PRORP: variants seen among roughly 807,000 people sequenced by gnomAD.
PRORP encodes the protein mitochondrial ribonuclease P catalytic subunit.
In PRORP, 51 loss-of-function variants were observed where a neutral mutation model predicts 59.4. The ratio of observed to expected loss-of-function variants is 0.86; its 90% confidence interval spans 0.69 to 1.08. The LOEUF (loss-of-function observed/expected upper bound fraction) is 1.08. Among genes scored for constraint, PRORP ranks in the 50% least tolerant of loss-of-function variants. The pLI is 0.00. For missense variants in PRORP, 646 were observed against 690.3 expected (o/e 0.94, Z 0.72); for synonymous variants, 231 against 245.6 (o/e 0.94, Z 0.55).
chr14:35,251,539 G>A (rs142886618), intron 5 of PRORP, among the ~76,000 whole-genome samples: 1,556 of 152,108 alleles, frequency 0.01, 29 homozygotes, highest in African/African-American at 0.035. Flanking sequence ...TGTAAATAAT[G>A]TTGTTTATAT....
chr14:35,124,763 T>A (rs1373185758), intron 2 of PRORP, among the ~76,000 whole-genome samples: 2 of 149,774 alleles, frequency 1.3e-5, no homozygotes, highest in African/African-American at 2.5e-5. Flanking sequence ...AAGAAAAGAA[T>A]ATAGCATTTG....
intron 5 of PRORP, among the ~76,000 whole-genome samples, chr14:35,212,670 G>T (rs1344197490): frequency 6.6e-6 from 1 of 152,152 alleles, no homozygotes; most frequent in African/African-American, 2.4e-5. Flanking sequence ...AGGCTTTGTT[G>T]TTCCGTTGAT....
intron 4 of PRORP, among the ~76,000 whole-genome samples, chr14:35,129,270 C>T (rs2047175941): frequency 6.6e-6 from 1 of 151,902 alleles, no homozygotes; most frequent in African/African-American, 2.4e-5. Flanking sequence ...TTGATATAGG[C>T]ACTTATAGCT....
At chr14:35,190,124 C>T (rs969560023) in intron 5 of PRORP, among the ~76,000 whole-genome samples, 3 of 148,996 alleles carry the variant, frequency 2.0e-5, no homozygotes, top group African/African-American at 5.0e-5. Flanking sequence ...AAAGGCTGGG[C>T]GCAGTATCTC....
rs1244450705 is a variant in PRORP, at chr14:35,123,959, A to G, written c.714A>G (p.Lys238=). The change falls in exon 2 of 8, where the codon AAA becomes AAG. Residue 238 remains lysine (K), a synonymous_variant. Coordinates refer to ENST00000534898, the MANE Select transcript of PRORP (RefSeq NM_014672.4). The stretch of plus-strand genomic sequence containing the variant: ...TGTTGCTGTTAGAGGACATCAAAAA[A>G]GTTATAACTCCTTCAAAAAAGAACT... ...EALLLLEDIK[K]VITPSKKNYN... is the part of the protein sequence containing the mutation. 1.2e-6 allele frequency: 2 copies of G among 1,614,198 alleles called. No individual in the cohort carries two copies. The highest frequency in any genetic ancestry group is 1.7e-6 in the Non-Finnish European group (2 of 1,180,030).
chr14:35,183,381 T>A (rs1043939585), intron 5 of PRORP, among the ~76,000 whole-genome samples: 7 of 152,154 alleles, frequency 4.6e-5, no homozygotes, highest in African/African-American at 7.2e-5. Context: ...TTAAAAATTT[T>A]AAAAATATCA....
rs186809549 is a variant in PRORP, at chr14:35,203,574, T to C, written c.1275+22797T>C. Among the ~76,000 whole-genome samples the C allele has an allele frequency of 2.8e-4, 43 of 152,178 alleles. No individual in the cohort carries two copies. The East Asian group carries it at 7.9e-3, about 28-fold the overall frequency. On this transcript the variant is annotated intron_variant, in intron 5 of 7. Transcript: ENST00000534898. ...AAATCCAGATTTTAGTCTAAAGATA[T>C]TCTTTTGAGGCTGGGCGCAGTGGCT...
At chr14:35,160,358 C>G (rs998711457) in intron 4 of PRORP, among the ~76,000 whole-genome samples, 3 of 152,214 alleles carry the variant, frequency 2.0e-5, no homozygotes, top group African/African-American at 7.2e-5. Context: ...TCTGTTACTA[C>G]TGCAGTGCAC....
intron 5 of PRORP, among the ~76,000 whole-genome samples, chr14:35,195,793 C>T (rs1310232500): frequency 6.6e-6 from 1 of 151,988 alleles, no homozygotes; most frequent in Admixed American, 6.6e-5. Flanking sequence ...GAAACTGGAA[C>T]TTAGTTCTAA....
chr14:35,232,503 G>A (rs1595353992), intron 5 of PRORP, among the ~76,000 whole-genome samples: 1 of 152,258 alleles, frequency 6.6e-6, no homozygotes, highest in South Asian at 2.1e-4. Context: ...CAGCAATTAT[G>A]TAAACTTTTC....
In PRORP at chr14:35,123,768, TACG is replaced by T; in HGVS notation, c.525_527del (p.Asp176del). ...AGCCAAAAATAATGGTATTGTAAGT[TACG>T]ATTTACTGGTCAAGTATTTGTATCT... On this transcript the variant is annotated inframe_deletion, in exon 2 of 8. Coordinates refer to ENST00000534898, the MANE Select transcript of PRORP (RefSeq NM_014672.4). 1 of 1,614,224 alleles carries T rather than the reference TACG, an allele frequency of 6.2e-7. No individual in the cohort carries two copies. Among genetic ancestry groups the T allele is most frequent in the Non-Finnish European group, 8.5e-7 (1 of 1,180,040 alleles).
intron 5 of PRORP, among the ~76,000 whole-genome samples, chr14:35,238,058 T>C (rs76702422): frequency 2.2e-4 from 33 of 152,014 alleles, no homozygotes; most frequent in South Asian, 2.1e-4. Context: ...TTTTTTTTTT[T>C]CTCTGCGTTT....
intron 4 of PRORP, among the ~76,000 whole-genome samples, chr14:35,130,067 G>A (rs2047200493): frequency 7.3e-6 from 1 of 136,406 alleles, no homozygotes; most frequent in East Asian, 2.2e-4. Flanking sequence ...GTCTCGCTCT[G>A]TTGCCTAGGC....
intron 5 of PRORP, among the ~76,000 whole-genome samples, chr14:35,230,050 C>CTTTTTTT (rs35309046): frequency 1.2e-4 from 13 of 109,138 alleles, no homozygotes; most frequent in African/African-American, 4.4e-4. Flanking sequence ...ACTGTAAATT[C>CTTTTTTT]TTTTTTTTTT....
At position 35,143,203 on chromosome 14, in the gene PRORP, A is replaced by T. The variant is rs2138854743; in HGVS notation, c.1167+15592A>T. On this transcript the variant is annotated intron_variant, in intron 4 of 7. Transcript: ENST00000534898. ...AGTCTCTCTCTGTTGCTCAGGCTGG[A>T]GTGCAGTGGCGCAATCGCTGCTCAC... Among the ~76,000 whole-genome samples the T allele has an allele frequency of 1.4e-5, 2 of 145,802 alleles. 1 individual carries two copies. The highest frequency in any genetic ancestry group is 4.7e-4 in the East Asian group (2 of 4,300).
At chr14:35,229,938 G>A (rs957109743) in intron 5 of PRORP, among the ~76,000 whole-genome samples, 1 of 151,732 alleles carries the variant, frequency 6.6e-6, no homozygotes, top group African/African-American at 2.4e-5. Flanking sequence ...TTAGAGGGCA[G>A]TGATTAGAAA....
intron 5 of PRORP, among the ~76,000 whole-genome samples, chr14:35,227,104 T>C (rs2049954395): frequency 6.6e-6 from 1 of 151,966 alleles, no homozygotes; most frequent in African/African-American, 2.4e-5. Context: ...GATTTCTTCC[T>C]TTTGATTATA....
intron 7 of PRORP, among the ~76,000 whole-genome samples, chr14:35,273,153 A>C (rs1242217219): frequency 2.0e-5 from 3 of 152,190 alleles, no homozygotes; most frequent in South Asian, 2.1e-4. Context: ...TCACTCTCAC[A>C]CACAAAACTG....
intron 5 of PRORP, among the ~76,000 whole-genome samples, chr14:35,244,589 T>A (rs1464072090): frequency 6.6e-6 from 1 of 152,180 alleles, no homozygotes; most frequent in Non-Finnish European, 1.5e-5. Context: ...AATGGTAGAA[T>A]ATTGGCAATT....
Sources: gnomAD v4.1 joint callset for allele counts (sites outside exome capture counted in the v4.1 genomes callset) on GRCh38, gnomAD v4.1.1 for gene constraint, MANE v1.5 for transcripts, NCBI Gene and HGNC (gene_info 2026-07-23, HGNC 2026-07-21) for gene names.